Variants in PAK1IP1 observed in about 807,000 individuals in gnomAD.
PAK1IP1 encodes PAK1 interacting protein 1, also known as p21-activated protein kinase-interacting protein 1.
In PAK1IP1, 24 loss-of-function variants were observed where a neutral mutation model predicts 42.0. The observed-to-expected ratio is 0.57, with a 90% CI of 0.41 to 0.80. PAK1IP1 has a LOEUF of 0.80. Ranked by LOEUF, PAK1IP1 falls within the 30% of genes least tolerant of loss-of-function variation. The probability of loss-of-function intolerance (pLI) is 0.00; values close to 1 mark genes in which losing one functional copy is unlikely to be tolerated. For synonymous variants in PAK1IP1, 154 were observed against 156.7 expected, an observed-to-expected ratio of 0.98 and a Z score of 0.13; for missense variants, 411 against 467.9, an observed-to-expected ratio of 0.88 and a Z score of 1.12.
At chr6:10,703,097 G>C (rs770065632) in intron 4 of PAK1IP1, among the ~76,000 whole-genome samples, 1 of 152,210 alleles carries the variant, frequency 6.6e-6, no homozygotes, top group East Asian at 1.9e-4. Flanking sequence ...GAGCCACCAC[G>C]CCCAGCCAAC....
At position 10,697,396 on chromosome 6, in the gene PAK1IP1, C is replaced by T. The variant is rs1581580007; in HGVS notation, c.157C>T (p.Arg53Cys). ...ASLSAVAVNS[R>C]FVVTGSKDET... ...CTTGTCAGCAGTAGCTGTAAATAGT[C>T]GTTTTGTGGTCACTGGGAGCAAAGA... The change falls in exon 2 of 10, where the codon CGT becomes TGT. Residue 53 changes from arginine to cysteine, a missense_variant. Arg to Cys is a radical substitution (Grantham distance 180). Coordinates refer to ENST00000379568, the MANE Select transcript of PAK1IP1 (RefSeq NM_017906.3). 6.2e-7 allele frequency: 1 copy of T among 1,613,714 alleles called. No individual in the cohort carries two copies. The highest frequency in any genetic ancestry group is 2.2e-5 in the East Asian group (1 of 44,874).
intron 5 of PAK1IP1, 32 bp downstream of exon 5, chr6:10,703,489 C>T: frequency 6.8e-7 from 1 of 1,476,378 alleles, no homozygotes; most frequent in Non-Finnish European, 9.4e-7. Flanking sequence ...GCAGGTTGAG[C>T]ATTCCTAATC....
rs370741204 is a variant in PAK1IP1, at chr6:10,709,252, T to C, written c.979T>C (p.Ser327Pro). 54 of 1,609,990 alleles carry C rather than the reference T, an allele frequency of 3.4e-5. No individual in the cohort carries two copies. Among genetic ancestry groups the C allele is most frequent in the Non-Finnish European group, 4.5e-5 (53 of 1,178,996 alleles). Reference protein sequence around the residue: ...AEPSPVSKEQSKIGKKEPGDT... With the variant: ...AEPSPVSKEQPKIGKKEPGDT... ...TTGTGTTTTAGTAAGTAAAGAACAGTCCAAAATTGGCAAAAAGGAGCCTGG... is the reference window on the plus strand; with the variant it reads ...TTGTGTTTTAGTAAGTAAAGAACAGCCCAAAATTGGCAAAAAGGAGCCTGG... The change falls in exon 10 of 10, where the codon TCC becomes CCC. Residue 327 changes from serine (S) to proline (P), a missense_variant. Transcript: ENST00000379568.
At chr6:10,695,712 C>T (rs1338266574) in intron 1 of PAK1IP1, among the ~76,000 whole-genome samples, 1 of 152,186 alleles carries the variant, frequency 6.6e-6, no homozygotes, top group Non-Finnish European at 1.5e-5. Flanking sequence ...GGACTATACT[C>T]ACGACTAGGA....
At chr6:10,701,975 C>A (rs928461006) in intron 2 of PAK1IP1, among the ~76,000 whole-genome samples, 1 of 152,170 alleles carries the variant, frequency 6.6e-6, no homozygotes, top group Non-Finnish European at 1.5e-5. Context: ...TGGCTCACAC[C>A]TGTAATCCCA....
Position 10,704,864 on chromosome 6 carries a change from G to T in PAK1IP1, c.740+20G>T. On this transcript the variant is annotated intron_variant, in intron 7 of 9. Transcript: ENST00000379568. ...AAACAGGTATTTTTACCAATCTTTGGTGTATATGTCTAGTCTTAATAAAAG... is the reference window on the plus strand; with the variant it reads ...AAACAGGTATTTTTACCAATCTTTGTTGTATATGTCTAGTCTTAATAAAAG... 7.0e-7 allele frequency: 1 copy of T among 1,421,494 alleles called. No individual in the cohort carries two copies. The highest frequency in any genetic ancestry group is 1.0e-6 in the Non-Finnish European group (1 of 1,004,292). 88.1% of individuals were successfully genotyped at this position (1,421,494 alleles called of 1,614,324 possible). A position where few individuals can be genotyped will look rare whatever the true frequency, so the allele number is the denominator to read the frequency against.
upstream of PAK1IP1, chr6:10,694,600 GC>G: frequency 2.2e-4 from 39 of 173,852 alleles, no homozygotes; most frequent in South Asian, 1.4e-3. Flanking sequence ...CAGCCCCTAA[GC>G]AACCGGCCGG....
At chr6:10,691,102 A>C (rs899204073), upstream of PAK1IP1, among the ~76,000 whole-genome samples, 5 of 152,208 alleles carry the variant, frequency 3.3e-5, no homozygotes, top group Non-Finnish European at 7.3e-5. Flanking sequence ...TGAAAAAGTC[A>C]CTTCTCCAGA....
chr6:10,694,817 TAA>T (rs1337047150), upstream of PAK1IP1: 1 of 570,420 alleles, frequency 1.8e-6, no homozygotes, highest in Non-Finnish European at 3.1e-6. Context: ...TCCCCGCGCT[TAA>T]AGTGTTTCCA....
Position 10,704,776 on chromosome 6 carries a change from A to G in PAK1IP1, c.672A>G (p.Glu224=). The G allele has an allele frequency of 6.2e-7, 1 of 1,613,512 alleles. No homozygotes were observed. Among genetic ancestry groups the G allele is most frequent in the Non-Finnish European group, 8.5e-7 (1 of 1,179,422 alleles). Residue 224 remains glutamate (E), a synonymous_variant, in exon 7 of 10, where the codon GAA becomes GAG. Coordinates refer to ENST00000379568, the MANE Select transcript of PAK1IP1 (RefSeq NM_017906.3). ...SESVLAVAGD[E]EVIRFFDCDS... ...CTGTCCTTGCAGTGGCTGGAGATGAAGAAGTTATAAGGTTTTTTGACTGTG... is the reference window on the plus strand; with the variant it reads ...CTGTCCTTGCAGTGGCTGGAGATGAGGAAGTTATAAGGTTTTTTGACTGTG...
At chr6:10,705,296 G>C (rs1166563993) in intron 7 of PAK1IP1, among the ~76,000 whole-genome samples, 1 of 152,074 alleles carries the variant, frequency 6.6e-6, no homozygotes, top group Non-Finnish European at 1.5e-5. Context: ...CCAACCTGGT[G>C]ACAGAGTGAG....
rs1362261399 is a variant in PAK1IP1 at position 10,707,598 on chromosome 6, C to T, written c.840+84C>T. The T allele has an allele frequency of 1.3e-5, 10 of 787,382 alleles. No homozygotes were observed. The African/African-American group carries it at 1.7e-4, about 14-fold the overall frequency. The allele number at this position is 787,382 out of a possible 1,614,324, so 48.8% of individuals were successfully genotyped here. A position where few individuals can be genotyped will look rare whatever the true frequency, so the allele number is the denominator to read the frequency against. ...TGGAATTTTTTTAAGGGTCATAAGA[C>T]ATAGGTCTTTAAACTTTTTAAATCT... On this transcript the variant is annotated intron_variant, in intron 8 of 9. Coordinates refer to ENST00000379568, the MANE Select transcript of PAK1IP1 (RefSeq NM_017906.3).
chr6:10,706,007 AT>A (rs1770192407), intron 7 of PAK1IP1, among the ~76,000 whole-genome samples: 1 of 152,218 alleles, frequency 6.6e-6, no homozygotes, highest in Non-Finnish European at 1.5e-5. Context: ...ATTGAGCATC[AT>A]TATGAAATAC....
chr6:10,695,207 G>T, intron 1 of PAK1IP1, 138 bp downstream of exon 1: 1 of 612,294 alleles, frequency 1.6e-6, no homozygotes, highest in Non-Finnish European at 2.9e-6. Context: ...AGACTTAAGA[G>T]AAAAGCTAAC....
chr6:10,695,912 TC>T (rs1459352259), intron 1 of PAK1IP1, among the ~76,000 whole-genome samples: 1 of 152,238 alleles, frequency 6.6e-6, no homozygotes, highest in African/African-American at 2.4e-5. Context: ...TTGCTCTTTG[TC>T]TTTGGCTGAA....
At chr6:10,693,065 G>C (rs991857214), upstream of PAK1IP1, among the ~76,000 whole-genome samples, 1 of 152,140 alleles carries the variant, frequency 6.6e-6, no homozygotes, top group African/African-American at 2.4e-5. Context: ...CTTGCTTTGT[G>C]CTAATAACTC....
intron 2 of PAK1IP1, among the ~76,000 whole-genome samples, chr6:10,698,244 A>T (rs572719407): frequency 6.6e-6 from 1 of 152,112 alleles, no homozygotes; most frequent in African/African-American, 2.4e-5. Context: ...TATTGAGGGC[A>T]TATTATGTAC....
upstream of PAK1IP1, among the ~76,000 whole-genome samples, chr6:10,692,053 A>C (rs1188984740): frequency 6.6e-6 from 1 of 152,226 alleles, no homozygotes; most frequent in Non-Finnish European, 1.5e-5. Context: ...ACAAGTATTA[A>C]TACTTCTCAA....
chr6:10,702,693 T>C (rs1770066570), intron 4 of PAK1IP1, 54 bp downstream of exon 4: 1 of 1,218,130 alleles, frequency 8.2e-7, no homozygotes, highest in Non-Finnish European at 1.2e-6. Flanking sequence ...TTACTACAGC[T>C]CTCCACCATC....
Sources: allele counts gnomAD v4.1 joint callset (sites outside exome capture counted in the v4.1 genomes callset), GRCh38; gene constraint gnomAD v4.1.1; transcripts MANE v1.5; gene names NCBI Gene and HGNC (gene_info 2026-07-23, HGNC 2026-07-21).